ARHGAP27: variants seen among roughly 807,000 people sequenced by gnomAD.
ARHGAP27 encodes rho GTPase-activating protein 27.
Under a neutral mutation model 102.0 loss-of-function variants are expected in ARHGAP27, and 53 were observed. The observed-to-expected ratio is 0.52, with a 90% CI of 0.42 to 0.65. ARHGAP27 has a LOEUF of 0.65. Among genes scored for constraint, ARHGAP27 ranks in the 30% least tolerant of loss-of-function variants. The pLI is 0.00. For synonymous variants in ARHGAP27, 525 were observed against 542.8 expected (o/e 0.97, Z 0.46); for missense variants, 1,117 against 1,256.2 (o/e 0.89, Z 1.68).
Position 45,395,741 on chromosome 17 carries a change from C to A in ARHGAP27, c.2492+3G>T, listed in dbSNP as rs1231856943. On this transcript the variant is annotated splice_donor_region_variant and intron_variant, in intron 19 of 19. Transcript: ENST00000685559. ...CCCTTCCCGCGCGGGCCGCCCGGCT[C>A]ACCGGCAGAGGTGCTGGAAGAGCAT... The A allele has an allele frequency of 3.1e-6, 5 of 1,590,118 alleles. No individual in the cohort carries two copies. The highest frequency in any genetic ancestry group is 4.3e-6 in the Non-Finnish European group (5 of 1,172,432).
chr17:45,429,650 G>A lies in ARHGAP27; in HGVS notation c.630C>T (p.Val210=). ...NVYEVIQDLH[V]PPPEESAEQV... is the part of the protein sequence containing the mutation. ...GCTCTGCGCTCTCCTCCGGCGGCGG[G>A]ACGTGCAAGTCCTGGATGACCTCGT... The change falls in exon 4 of 20, where the codon GTC becomes GTT. Residue 210 remains valine (V), a synonymous_variant. Coordinates refer to ENST00000685559, the MANE Select transcript of ARHGAP27 (RefSeq NM_001282290.2). 6.3e-7 allele frequency: 1 copy of A among 1,581,278 alleles called. No individual in the cohort carries two copies. Among genetic ancestry groups the A allele is most frequent in the Non-Finnish European group, 8.6e-7 (1 of 1,163,426 alleles).
chr17:45,431,573 G>T (rs946635571), intron 3 of ARHGAP27, 48 bp downstream of exon 3: 2 of 179,458 alleles, frequency 1.1e-5, no homozygotes, highest in Non-Finnish European at 2.4e-5. Context: ...ACCCCAAGCA[G>T]GACACTCCCC....
chr17:45,396,962 GCGCT>G lies in ARHGAP27; in HGVS notation c.1901_1904del (p.Glu634AlafsTer30), dbSNP rs2045812920. 6.2e-7 allele frequency: 1 copy of G among 1,605,672 alleles called. No individual in the cohort carries two copies. Among genetic ancestry groups the G allele is most frequent in the Non-Finnish European group, 8.5e-7 (1 of 1,179,978 alleles). On this transcript the variant is annotated frameshift_variant, in exon 14 of 20. Transcript: ENST00000685559. LOFTEE classifies it high-confidence loss of function. Reference sequence around the variant, plus strand: ...CCTCTTTCTCCTGCCAGCTTCCCAAGCGCTCGCTCGACCCGAAGTCCACTCTGCT... The same window carrying G: ...CCTCTTTCTCCTGCCAGCTTCCCAAGCGCTCGACCCGAAGTCCACTCTGCT...
chr17:45,401,295 T>G (rs570049539), intron 12 of ARHGAP27, among the ~76,000 whole-genome samples: 8 of 150,298 alleles, frequency 5.3e-5, no homozygotes, highest in Admixed American at 5.3e-4. Flanking sequence ...GCTCTGACCG[T>G]GCCACTGCAC....
Position 45,432,229 on chromosome 17 carries a change from G to A in ARHGAP27, c.-164C>T, listed in dbSNP as rs1053810693. On this transcript the variant is annotated 5_prime_UTR_variant, in exon 2 of 20. Transcript: ENST00000685559. ...CTCTTCCCTCACCAGGGCCTTTCCC[G>A]GAGCAGCCCGGCCGGGCCTGGAAAA... 4 of 157,676 alleles carry A rather than the reference G, an allele frequency of 2.5e-5. No individual in the cohort carries two copies. The highest frequency in any genetic ancestry group is 1.9e-4 in the East Asian group (1 of 5,194). 9.8% of individuals were successfully genotyped at this position (157,676 alleles called of 1,614,324 possible). A position where few individuals can be genotyped will look rare whatever the true frequency, so the allele number is the denominator to read the frequency against.
chr17:45,432,708 A>G (rs9909788), intron 1 of ARHGAP27, 44 bp downstream of exon 1: 1 of 82,218 alleles, frequency 1.2e-5, no homozygotes, highest in African/African-American at 4.4e-5. Flanking sequence ...CCCACCCCCA[A>G]CCCCCGCTCG....
In ARHGAP27 at chr17:45,395,733, G is replaced by A. The variant is rs777930326; in HGVS notation, c.2492+11C>T. On this transcript the variant is annotated intron_variant, in intron 19 of 19. Coordinates refer to ENST00000685559, the MANE Select transcript of ARHGAP27 (RefSeq NM_001282290.2). ...CTGCCTCCCCCTTCCCGCGCGGGCCGCCCGGCTCACCGGCAGAGGTGCTGG... is the reference window on the plus strand; with the variant it reads ...CTGCCTCCCCCTTCCCGCGCGGGCCACCCGGCTCACCGGCAGAGGTGCTGG... 3 of 1,583,482 alleles carry A rather than the reference G, an allele frequency of 1.9e-6. No homozygotes were observed. Among genetic ancestry groups the A allele is most frequent in the Admixed American group, 1.7e-5 (1 of 57,190 alleles).
At chr17:45,419,548 ATATATAT>A (rs2048834897) in intron 4 of ARHGAP27, among the ~76,000 whole-genome samples, 1 of 110,844 alleles carries the variant, frequency 9.0e-6, no homozygotes, top group Non-Finnish European at 2.0e-5. Flanking sequence ...ATATATATAT[ATATATAT>A]ATGACTTTGT....
rs771459739 is a variant in ARHGAP27 at position 45,430,256 on chromosome 17, G to A, written c.24C>T (p.Asp8=). The change falls in exon 4 of 20, where the codon GAC becomes GAT. Residue 8 remains aspartate, a synonymous_variant. Coordinates refer to ENST00000685559, the MANE Select transcript of ARHGAP27 (RefSeq NM_001282290.2). The surrounding 1 kb of genome is among the most constrained non-coding windows in gnomAD (Gnocchi z 4.4). MAADVVG[D]VYVLVEHPFE... is the part of the protein sequence containing the mutation. ...AGGGGTGCTCCACCAGCACGTACAC[G>A]TCCCCCACCACGTCCGCCGCCATCG... The A allele has an allele frequency of 7.0e-6, 11 of 1,577,734 alleles. No individual in the cohort carries two copies. In the East Asian group the frequency reaches 2.5e-4, roughly 36 times the overall value.
intron 4 of ARHGAP27, among the ~76,000 whole-genome samples, chr17:45,425,873 G>A (rs2049547041): frequency 6.6e-6 from 1 of 152,200 alleles, no homozygotes; most frequent in Admixed American, 6.5e-5. Context: ...CTCCCTGAGT[G>A]GCCTCTTTGT....
intron 4 of ARHGAP27, among the ~76,000 whole-genome samples, chr17:45,428,531 G>A (rs960977222): frequency 1.3e-5 from 2 of 152,190 alleles, no homozygotes; most frequent in Non-Finnish European, 2.9e-5. Context: ...GCATTGTAAC[G>A]AGTCGGGCGG....
rs1049064935 is a variant in ARHGAP27 at position 45,394,671 on chromosome 17, G to A, written c.*785C>T. 5 of 152,332 alleles carry A rather than the reference G, an allele frequency of 3.3e-5. No homozygotes were observed. Among genetic ancestry groups the A allele is most frequent in the African/African-American group, 1.2e-4 (5 of 41,458 alleles). The allele number at this position is 152,332 out of a possible 1,614,324, so 9.4% of individuals were successfully genotyped here. A position where few individuals can be genotyped will look rare whatever the true frequency, so the allele number is the denominator to read the frequency against. On this transcript the variant is annotated 3_prime_UTR_variant, in exon 20 of 20. Coordinates refer to ENST00000685559, the MANE Select transcript of ARHGAP27 (RefSeq NM_001282290.2). ...GGAGGAGCCTTTTCTGGGGAATGAG[G>A]TCACTCACTGGACCTTGAGCAAGTC...
At chr17:45,406,122 AC>A in intron 4 of ARHGAP27, 39 bp from the exon 5 acceptor site, 3 of 1,478,722 alleles carry the variant, frequency 2.0e-6, no homozygotes, top group Non-Finnish European at 2.7e-6. Flanking sequence ...GTTTTCAGAA[AC>A]CTTCCAAAAT....
In ARHGAP27 at chr17:45,404,609, G is replaced by A. The variant is rs779302588; in HGVS notation, c.1321C>T (p.Leu441=). 4 of 1,614,046 alleles carry A rather than the reference G, an allele frequency of 2.5e-6. No homozygotes were observed. In the Admixed American group the frequency reaches 6.7e-5, roughly 27 times the overall value. The change falls in exon 7 of 20, where the codon CTG becomes TTG. Residue 441 remains leucine, a synonymous_variant. Transcript: ENST00000685559. ...NPEDSSVRWE[L]PQVPVPAPRS... ...TTTCCCCAGGTTGTTACCTGGGGCA[G>A]CTCCCATCGAACAGAGGAGTCCTCT...
intron 4 of ARHGAP27, among the ~76,000 whole-genome samples, chr17:45,413,505 A>C (rs1042995185): frequency 6.6e-6 from 1 of 152,132 alleles, no homozygotes; most frequent in African/African-American, 2.4e-5. Flanking sequence ...CAGAGCTGTC[A>C]ACCCTACTCC....
At chr17:45,407,852 G>A (rs189192632) in intron 4 of ARHGAP27, 1 of 152,232 alleles carries the variant, frequency 6.6e-6, no homozygotes, top group Non-Finnish European at 1.5e-5. Flanking sequence ...ATACTTCAGG[G>A]GAAAGCAGAT....
intron 4 of ARHGAP27, among the ~76,000 whole-genome samples, chr17:45,428,536 G>T (rs187010144): frequency 4.6e-4 from 70 of 152,286 alleles, no homozygotes; most frequent in Admixed American, 4.2e-3. Flanking sequence ...GTAACGAGTC[G>T]GGCGGAGGGA....
chr17:45,430,380 C>A lies in ARHGAP27; in HGVS notation c.-18-83G>T. On this transcript the variant is annotated intron_variant, in intron 3 of 19. Transcript: ENST00000685559. The surrounding 1 kb of genome is among the most constrained non-coding windows in gnomAD (Gnocchi z 4.4). ...CCGCACTCGGGGACAGACTTGGGTT[C>A]GAGTCCCGATCCTGCACTCGCCGTT... is the stretch of plus-strand genomic sequence containing the variant. 6.8e-7 allele frequency: 1 copy of A among 1,475,408 alleles called. No homozygotes were observed. Among genetic ancestry groups the A allele is most frequent in the South Asian group, 1.3e-5 (1 of 75,318 alleles). 91.4% of individuals were successfully genotyped at this position (1,475,408 alleles called of 1,614,324 possible).
At chr17:45,410,323 G>A in intron 4 of ARHGAP27, 1 of 1,486,652 alleles carries the variant, frequency 6.7e-7, no homozygotes, top group Non-Finnish European at 8.9e-7. Context: ...CAGAGCCCTG[G>A]GAAGGTTTTG....
Sources: allele counts gnomAD v4.1 joint callset (sites outside exome capture counted in the v4.1 genomes callset), GRCh38; gene constraint gnomAD v4.1.1; non-coding constraint Gnocchi (gnomAD v3.1); transcripts MANE v1.5; gene names NCBI Gene and HGNC (gene_info 2026-07-23, HGNC 2026-07-21).